Variants in POP1 observed in about 807,000 individuals in gnomAD.
POP1 encodes POP1 ribonuclease P/MRP subunit, also known as ribonucleases P/MRP protein subunit POP1.
A neutral mutation model predicts 102.2 loss-of-function variants in POP1; 75 were observed. The observed-to-expected ratio is 0.73, with a 90% CI of 0.61 to 0.89. The LOEUF (loss-of-function observed/expected upper bound fraction) is 0.89. Ranked by LOEUF, POP1 falls within the 40% of genes least tolerant of loss-of-function variation. The pLI is 0.00. For missense variants in POP1, 1,116 were observed against 1,267.4 expected, an observed-to-expected ratio of 0.88 and a Z score of 1.81; for synonymous variants, 436 against 464.1, an observed-to-expected ratio of 0.94 and a Z score of 0.78.
intron 3 of POP1, among the ~76,000 whole-genome samples, chr8:98,128,157 T>A (rs909447155): frequency 6.6e-6 from 1 of 152,166 alleles, no homozygotes; most frequent in African/African-American, 2.4e-5. Flanking sequence ...TCCATCCTCT[T>A]CTGTTCTTCA....
rs769849144 is a variant in POP1, at chr8:98,136,870, G to A, written c.1278G>A (p.Thr426=). 12 of 1,613,616 alleles carry A rather than the reference G, an allele frequency of 7.4e-6. No homozygotes were observed. The highest frequency in any genetic ancestry group is 1.6e-4 in the Middle Eastern group (1 of 6,084). ...GTTCTTTCTTTTTCAGCGATTTGAC[G>A]ATGGAGATGAACAGATTCCGGCTGA... ...PTTGIIISDL[T]MEMNRFRLIG... Residue 426 remains threonine (T), a synonymous_variant, in exon 9 of 16, where the codon ACG becomes ACA. Coordinates refer to ENST00000401707, the MANE Select transcript of POP1 (RefSeq NM_001145860.2).
At position 98,159,047 on chromosome 8, in the gene POP1, AAAGT is replaced by A. The variant is rs748752781; in HGVS notation, c.*780_*783del. Reference sequence around the variant, plus strand: ...TGTTCTATGATATGTGTCACCTAAAAAAGTAAGAGATTCCAAGGTCAGGTTGATA... The same window carrying A: ...TGTTCTATGATATGTGTCACCTAAAAAAGAGATTCCAAGGTCAGGTTGATA... On this transcript the variant is annotated 3_prime_UTR_variant, in exon 16 of 16. Coordinates refer to ENST00000401707, the MANE Select transcript of POP1 (RefSeq NM_001145860.2). 9.8e-5 allele frequency: 15 copies of A among 152,334 alleles called. No homozygotes were observed. The highest frequency in any genetic ancestry group is 6.5e-4 in the Admixed American group (10 of 15,306). The allele number at this position is 152,334 out of a possible 1,614,324, so 9.4% of individuals were successfully genotyped here. A position where few individuals can be genotyped will look rare whatever the true frequency, so the allele number is the denominator to read the frequency against.
Position 98,136,575 on chromosome 8 carries a change from GA to G in POP1, c.1111del (p.Ser371AlafsTer51). ...IADPLPTPSQ[E>X]KSQTELPDEK... ...TGACCCACTTCCAACACCATCCCAA[GA>G]AAAAAGCCAAACTGAATTGCCTGAC... On this transcript the variant is annotated frameshift_variant, in exon 8 of 16. Transcript: ENST00000401707. LOFTEE classifies it high-confidence loss of function. 2 of 1,613,790 alleles carry G rather than the reference GA, an allele frequency of 1.2e-6. No homozygotes were observed. The highest frequency in any genetic ancestry group is 1.7e-6 in the Non-Finnish European group (2 of 1,179,918).
chr8:98,137,326 T>G (rs74644398), intron 9 of POP1, among the ~76,000 whole-genome samples: 10,997 of 151,966 alleles, frequency 0.072, 616 homozygotes, highest in Middle Eastern at 0.16. Flanking sequence ...TTTCTGAGAT[T>G]GAGTCTCATC....
chr8:98,150,406 T>C lies in POP1; in HGVS notation c.1903-79T>C, dbSNP rs7000738. 0.33 allele frequency: 503,059 copies of C among 1,517,658 alleles called. 90,526 individuals are homozygous for C. Among genetic ancestry groups the C allele is most frequent in the African/African-American group, 0.72 (52,658 of 73,078 alleles). 94.0% of individuals were successfully genotyped at this position (1,517,658 alleles called of 1,614,324 possible). Reference sequence around the variant, plus strand: ...CCTTTTGAGGGGCGTTTAGGTTGTTTCCATTTTCCCCCATATAAACATTAA... The same window carrying C: ...CCTTTTGAGGGGCGTTTAGGTTGTTCCCATTTTCCCCCATATAAACATTAA... On this transcript the variant is annotated intron_variant, in intron 13 of 15. Coordinates refer to ENST00000401707, the MANE Select transcript of POP1 (RefSeq NM_001145860.2).
Position 98,158,469 on chromosome 8 carries a change from T to G in POP1, c.*198T>G. 2 of 637,014 alleles carry G rather than the reference T, an allele frequency of 3.1e-6. No homozygotes were observed. Among genetic ancestry groups the G allele is most frequent in the Non-Finnish European group, 5.4e-6 (2 of 371,642 alleles). 39.5% of individuals were successfully genotyped at this position (637,014 alleles called of 1,614,324 possible). A position where few individuals can be genotyped will look rare whatever the true frequency, so the allele number is the denominator to read the frequency against. On this transcript the variant is annotated 3_prime_UTR_variant, in exon 16 of 16. Transcript: ENST00000401707. ...CATTGATTTTCATCTTTCCCTGTCC[T>G]TGCTGTAATACTTTTAAATTATTTG...
At chr8:98,141,872 AT>A (rs529734476) in intron 11 of POP1, among the ~76,000 whole-genome samples, 11 of 149,058 alleles carry the variant, frequency 7.4e-5, no homozygotes, top group Middle Eastern at 3.4e-3. Context: ...CTGGCCCAGA[AT>A]TTTTTTTTTA....
intron 9 of POP1, among the ~76,000 whole-genome samples, chr8:98,138,239 T>C (rs1816605006): frequency 6.6e-6 from 1 of 152,250 alleles, no homozygotes; most frequent in Admixed American, 6.5e-5. Flanking sequence ...CTTCTCATTG[T>C]AATTAAGATA....
At chr8:98,155,465 T>A (rs1417325321) in intron 14 of POP1, among the ~76,000 whole-genome samples, 1 of 151,952 alleles carries the variant, frequency 6.6e-6, no homozygotes, top group Non-Finnish European at 1.5e-5. Context: ...GTATTTTTAG[T>A]AGAGACAGGG....
intron 1 of POP1, among the ~76,000 whole-genome samples, chr8:98,122,189 TG>T (rs1816049322): frequency 6.6e-6 from 1 of 152,134 alleles, no homozygotes; most frequent in Non-Finnish European, 1.5e-5. Context: ...AAAGCAAGTT[TG>T]TACTTTTTTT....
intron 5 of POP1, among the ~76,000 whole-genome samples, chr8:98,132,526 G>A (rs1816407799): frequency 6.6e-6 from 1 of 152,168 alleles, no homozygotes; most frequent in African/African-American, 2.4e-5. Flanking sequence ...TCTAGTTACT[G>A]AGTGCACTGA....
At chr8:98,156,610 T>C (rs1486780477) in intron 15 of POP1, among the ~76,000 whole-genome samples, 198 bp downstream of exon 15, 1 of 152,222 alleles carries the variant, frequency 6.6e-6, no homozygotes, top group African/African-American at 2.4e-5. Context: ...TAAGGCATGA[T>C]GCTAATTGAT....
chr8:98,124,057 C>T (rs1027180182), intron 2 of POP1, among the ~76,000 whole-genome samples: 6 of 152,182 alleles, frequency 3.9e-5, no homozygotes, highest in African/African-American at 7.2e-5. Flanking sequence ...CGTTCCCAGC[C>T]GAGCTTCCCA....
intron 10 of POP1, 54 bp downstream of exon 10, chr8:98,140,243 C>T: frequency 6.8e-7 from 1 of 1,474,670 alleles, no homozygotes; most frequent in Non-Finnish European, 9.5e-7. Context: ...CCAAAAGAGC[C>T]TTTTGCAGTT....
At chr8:98,127,885 T>C in intron 3 of POP1, 123 bp downstream of exon 3, 1 of 1,041,472 alleles carries the variant, frequency 9.6e-7, no homozygotes, top group South Asian at 1.4e-5. Context: ...CTCCTCCTAC[T>C]TTAGACCCTT....
chr8:98,150,137 T>C lies in POP1; in HGVS notation c.1903-348T>C, dbSNP rs1809478902. The stretch of plus-strand genomic sequence containing the variant: ...ATAATCACTCCGCTGATTTCGGTAT[T>C]TGCTACTACCATGCATATTTTTATA... On this transcript the variant is annotated intron_variant, in intron 13 of 15. Transcript: ENST00000401707. Among the ~76,000 whole-genome samples, 3 of 152,352 alleles carry C rather than the reference T, an allele frequency of 2.0e-5. No individual in the cohort carries two copies. The East Asian group carries it at 5.8e-4, about 29-fold the overall frequency.
intron 4 of POP1, among the ~76,000 whole-genome samples, chr8:98,128,846 CA>C (rs1432042079): frequency 6.6e-6 from 1 of 151,958 alleles, no homozygotes; most frequent in Non-Finnish European, 1.5e-5. Flanking sequence ...TACCCTGAGC[CA>C]GGGGAGGTTG....
intron 12 of POP1, among the ~76,000 whole-genome samples, chr8:98,147,620 G>T (rs1586247166): frequency 6.6e-6 from 1 of 152,152 alleles, no homozygotes; most frequent in African/African-American, 2.4e-5. Context: ...GAGACTGTGG[G>T]TTGGATGGCC....
At chr8:98,149,660 G>A in intron 13 of POP1, among the ~76,000 whole-genome samples, 1 of 152,122 alleles carries the variant, frequency 6.6e-6, no homozygotes. Flanking sequence ...GGGAGGCTGA[G>A]GCATAAGAAT....
Sources: allele counts gnomAD v4.1 joint callset (sites outside exome capture counted in the v4.1 genomes callset), GRCh38; gene constraint gnomAD v4.1.1; transcripts MANE v1.5; gene names NCBI Gene and HGNC (gene_info 2026-07-23, HGNC 2026-07-21).